The following MAP4K3 variants were observed in gnomAD, a reference collection of about 807,000 sequenced individuals.
The protein encoded by MAP4K3 is MAPK/ERK kinase kinase kinase 3.
A neutral mutation model predicts 143.5 loss-of-function variants in MAP4K3; 94 were observed. The ratio of observed to expected loss-of-function variants is 0.65; its 90% CI spans 0.55 to 0.78. The LOEUF (loss-of-function observed/expected upper bound fraction) is 0.78. MAP4K3 is among the 30% of genes least tolerant of loss of function. The pLI is 0.00. For synonymous variants in MAP4K3, 416 were observed against 347.2 expected (o/e 1.20, Z -2.20); for missense variants, 1,077 against 1,068.1 (o/e 1.01, Z -0.12).
In MAP4K3 at chr2:39,286,895, T is replaced by A. The variant is rs1397472066; in HGVS notation, c.1544A>T (p.His515Leu). Residue 515 changes from histidine (H) to leucine (L), a missense_variant, in exon 21 of 34, where the codon CAT becomes CTT. This residue lies in a region of MAP4K3 where 864 missense variants were observed against 801.2 expected (regional missense o/e 1.08). Transcript: ENST00000263881. ...DGSLCQQQNE[H>L]RGTNLSRKEK... ...TTTTCTTGAAAGGTTTGTGCCTCTA[T>A]GTTCATTCTGTTGTTGACATAATGA... The A allele has an allele frequency of 1.2e-6, 2 of 1,610,780 alleles. No homozygotes were observed. Among genetic ancestry groups the A allele is most frequent in the Non-Finnish European group, 1.7e-6 (2 of 1,179,256 alleles).
intron 2 of MAP4K3, among the ~76,000 whole-genome samples, chr2:39,372,830 G>C (rs532581194): frequency 6.6e-6 from 1 of 152,056 alleles, no homozygotes; most frequent in East Asian, 1.9e-4. Context: ...TCAAACTATG[G>C]AAATACTACA....
chr2:39,297,168 A>T (rs1474563112), intron 16 of MAP4K3, among the ~76,000 whole-genome samples: 1 of 151,556 alleles, frequency 6.6e-6, no homozygotes, highest in Non-Finnish European at 1.5e-5. Context: ...CCCAGGCTGG[A>T]GTGCAATGGC....
At chr2:39,300,805 G>C (rs931093024) in intron 15 of MAP4K3, among the ~76,000 whole-genome samples, 2 of 152,166 alleles carry the variant, frequency 1.3e-5, no homozygotes, top group Non-Finnish European at 1.5e-5. Context: ...AACACACAGA[G>C]CTGCTCTAGC....
chr2:39,301,657 A>T (rs1164858177), intron 15 of MAP4K3, among the ~76,000 whole-genome samples: 1 of 152,202 alleles, frequency 6.6e-6, no homozygotes, highest in African/African-American at 2.4e-5. Flanking sequence ...CATCTGATAT[A>T]AGACAAGTAA....
chr2:39,402,410 C>T (rs1666975152), intron 1 of MAP4K3, among the ~76,000 whole-genome samples: 1 of 151,920 alleles, frequency 6.6e-6, no homozygotes, highest in African/African-American at 2.4e-5. Context: ...TCATGAACTC[C>T]CAGCAAGAGA....
intron 1 of MAP4K3, among the ~76,000 whole-genome samples, chr2:39,419,031 G>T (rs548066860): frequency 1.3e-5 from 2 of 152,082 alleles, no homozygotes; most frequent in East Asian, 3.8e-4. Flanking sequence ...AACGAAACTG[G>T]GTTAGGAGTC....
chr2:39,282,891 C>A (rs1161226676), intron 21 of MAP4K3, among the ~76,000 whole-genome samples: 3 of 152,170 alleles, frequency 2.0e-5, no homozygotes, highest in Non-Finnish European at 4.4e-5. Context: ...GAATTTAAAA[C>A]ACAAATAGTT....
intron 8 of MAP4K3, among the ~76,000 whole-genome samples, chr2:39,327,192 T>G (rs953026507): frequency 3.9e-5 from 6 of 152,162 alleles, no homozygotes; most frequent in Non-Finnish European, 8.8e-5. Context: ...GACCAGGCAA[T>G]CCCTGTTTTT....
At chr2:39,291,883 G>GA (rs1414848168) in intron 18 of MAP4K3, among the ~76,000 whole-genome samples, 2 of 151,948 alleles carry the variant, frequency 1.3e-5, no homozygotes, top group Non-Finnish European at 2.9e-5. Context: ...TTTCTCAAAA[G>GA]AAAGAAAGAA....
intron 1 of MAP4K3, among the ~76,000 whole-genome samples, chr2:39,414,969 T>A (rs1387708914): frequency 1.3e-5 from 2 of 152,162 alleles, no homozygotes; most frequent in Non-Finnish European, 2.9e-5. Flanking sequence ...TTATCCAAAA[T>A]TAAACCACCA....
intron 3 of MAP4K3, among the ~76,000 whole-genome samples, chr2:39,354,619 G>C (rs1665554223): frequency 6.6e-6 from 1 of 151,764 alleles, no homozygotes; most frequent in Non-Finnish European, 1.5e-5. Flanking sequence ...CTGAGATCAT[G>C]CCACTGCACT....
chr2:39,368,081 G>T (rs1017827222), intron 2 of MAP4K3, among the ~76,000 whole-genome samples: 1 of 152,046 alleles, frequency 6.6e-6, no homozygotes, highest in African/African-American at 2.4e-5. Flanking sequence ...TTACCCGAGT[G>T]GTTCTGATGG....
intron 1 of MAP4K3, among the ~76,000 whole-genome samples, chr2:39,401,121 A>C (rs760470011): frequency 1.5e-4 from 23 of 152,288 alleles, no homozygotes; most frequent in Non-Finnish European, 3.2e-4. Context: ...GGTCACCCTA[A>C]GTTGAGATGA....
intron 1 of MAP4K3, among the ~76,000 whole-genome samples, chr2:39,396,082 G>C (rs2148601641): frequency 6.6e-6 from 1 of 152,246 alleles, no homozygotes; most frequent in East Asian, 1.9e-4. Flanking sequence ...TGTTGCACCA[G>C]CTGGAATGTA....
chr2:39,291,479 T>A (rs540436053), intron 18 of MAP4K3, among the ~76,000 whole-genome samples: 1 of 152,314 alleles, frequency 6.6e-6, no homozygotes, highest in South Asian at 2.1e-4. Context: ...TTTGCTACTG[T>A]TAGATATGAA....
At chr2:39,296,027 A>G (rs1181641193) in intron 16 of MAP4K3, among the ~76,000 whole-genome samples, 1 of 152,158 alleles carries the variant, frequency 6.6e-6, no homozygotes, top group African/African-American at 2.4e-5. Context: ...CCCAGCCAGC[A>G]TTCCACTTTT....
intron 31 of MAP4K3, among the ~76,000 whole-genome samples, chr2:39,258,022 C>T (rs1298178548): frequency 6.6e-6 from 1 of 152,014 alleles, no homozygotes; most frequent in Non-Finnish European, 1.5e-5. Flanking sequence ...ACCTCCCCTT[C>T]CCAGGTTCAA....
intron 13 of MAP4K3, among the ~76,000 whole-genome samples, chr2:39,313,573 A>G (rs1292939619): frequency 3.3e-5 from 5 of 151,462 alleles, no homozygotes; most frequent in Admixed American, 3.3e-4. Flanking sequence ...GTGCAGTAGC[A>G]GGATCTCAGC....
chr2:39,376,027 T>C (rs1195626657), intron 2 of MAP4K3, among the ~76,000 whole-genome samples: 2 of 152,166 alleles, frequency 1.3e-5, no homozygotes, highest in East Asian at 3.8e-4. Flanking sequence ...AATGCTACTA[T>C]AAACATTTGT....
Sources: allele counts gnomAD v4.1 joint callset (sites outside exome capture counted in the v4.1 genomes callset), GRCh38; gene constraint gnomAD v4.1.1; regional missense constraint gnomAD v4.1.1; transcripts MANE v1.5; gene names NCBI Gene and HGNC (gene_info 2026-07-23, HGNC 2026-07-21).